LRRTM4: variants seen among roughly 807,000 people sequenced by gnomAD.
The protein encoded by LRRTM4 is leucine rich repeat transmembrane neuronal 4.
In LRRTM4, 25 loss-of-function variants were observed where a neutral mutation model predicts 47.6. The observed-to-expected ratio is 0.53, with a 90% CI of 0.38 to 0.73. LRRTM4 has a LOEUF of 0.73. Among genes scored for constraint, LRRTM4 ranks in the 30% least tolerant of loss-of-function variants. LRRTM4 has a pLI of 0.00. For missense variants in LRRTM4, 638 were observed against 713.4 expected (o/e 0.89, Z 1.20); for synonymous variants, 311 against 269.5 (o/e 1.15, Z -1.51).
chr2:77,063,060 T>A (rs375469528), intron 3 of LRRTM4, among the ~76,000 whole-genome samples: 2 of 151,428 alleles, frequency 1.3e-5, no homozygotes. Flanking sequence ...GTTCAAGCCA[T>A]GCTTCTGCCT....
rs577116123 is a variant in LRRTM4, at chr2:76,755,947, C to G, written c.1552-7031G>C. Among the ~76,000 whole-genome samples, 13 of 152,170 alleles carry G rather than the reference C, an allele frequency of 8.5e-5. No homozygotes were observed. In the East Asian group the frequency reaches 2.3e-3, roughly 27 times the overall value. On this transcript the variant is annotated intron_variant, in intron 3 of 3. Coordinates refer to ENST00000409884, the MANE Select transcript of LRRTM4 (RefSeq NM_001134745.3). The stretch of plus-strand genomic sequence containing the variant: ...CAGACATGCCTCATTATACCCACTC[C>G]CTGGGGAAGTTTAAACACAATTGAC...
At chr2:77,216,824 G>A (rs1441371329) in intron 3 of LRRTM4, among the ~76,000 whole-genome samples, 1 of 151,896 alleles carries the variant, frequency 6.6e-6, no homozygotes, top group Non-Finnish European at 1.5e-5. Flanking sequence ...TGTAATCCCA[G>A]CACTTTGGGA....
intron 3 of LRRTM4, among the ~76,000 whole-genome samples, chr2:77,388,442 A>G (rs906409396): frequency 1.3e-5 from 2 of 152,100 alleles, no homozygotes; most frequent in African/African-American, 4.8e-5. Flanking sequence ...AATCTGAGAG[A>G]GCTTCTCACT....
chr2:77,312,659 C>T (rs113049326), intron 3 of LRRTM4, among the ~76,000 whole-genome samples: 2 of 152,098 alleles, frequency 1.3e-5, no homozygotes, highest in Non-Finnish European at 2.9e-5. Context: ...CACACACACT[C>T]TTCCATTTTC....
chr2:77,053,389 T>C (rs1378997381), intron 3 of LRRTM4, among the ~76,000 whole-genome samples: 2 of 152,128 alleles, frequency 1.3e-5, no homozygotes, highest in Admixed American at 6.6e-5. Flanking sequence ...ATATGAAGCA[T>C]AGTAGAACAA....
At chr2:77,244,702 A>G (rs936422968) in intron 3 of LRRTM4, among the ~76,000 whole-genome samples, 2 of 152,176 alleles carry the variant, frequency 1.3e-5, no homozygotes, top group African/African-American at 4.8e-5. Flanking sequence ...CATTTTTAAG[A>G]TTAGGCTAAA....
At chr2:77,517,239 A>G in intron 3 of LRRTM4, 1 of 984,932 alleles carries the variant, frequency 1.0e-6, no homozygotes, top group Non-Finnish European at 1.2e-6. Context: ...AAATAATCAG[A>G]AACCGGGTCC....
intron 3 of LRRTM4, among the ~76,000 whole-genome samples, chr2:77,130,581 G>A (rs1029121752): frequency 1.3e-5 from 2 of 151,348 alleles, no homozygotes; most frequent in African/African-American, 2.4e-5. Context: ...GCAGAATCTC[G>A]GCTCACTGCA....
At chr2:76,903,605 C>G (rs1188474803) in intron 3 of LRRTM4, among the ~76,000 whole-genome samples, 1 of 152,124 alleles carries the variant, frequency 6.6e-6, no homozygotes, top group Non-Finnish European at 1.5e-5. Flanking sequence ...CTTATTTTAT[C>G]TAATCTTGAT....
intron 3 of LRRTM4, among the ~76,000 whole-genome samples, chr2:77,346,734 T>C (rs1000140699): frequency 3.3e-5 from 5 of 152,044 alleles, no homozygotes; most frequent in East Asian, 1.9e-4. Context: ...TAACTAAGAA[T>C]AGGGGTTTCA....
chr2:76,780,731 G>C (rs113627737), intron 3 of LRRTM4, among the ~76,000 whole-genome samples: 42,563 of 151,916 alleles, frequency 0.28, 6,406 homozygotes, highest in Middle Eastern at 0.34. Context: ...AGAGTAATTT[G>C]ATTGTCTGAA....
At chr2:77,040,527 A>C (rs988738833) in intron 3 of LRRTM4, among the ~76,000 whole-genome samples, 1 of 151,430 alleles carries the variant, frequency 6.6e-6, no homozygotes, top group Non-Finnish European at 1.5e-5. Context: ...AGCCCTACTC[A>C]TAAGTGCTAG....
chr2:76,981,928 T>C (rs1369995387), intron 3 of LRRTM4, among the ~76,000 whole-genome samples: 1 of 152,050 alleles, frequency 6.6e-6, no homozygotes, highest in African/African-American at 2.4e-5. Context: ...AGTCTCAGTT[T>C]CTGGAATTGA....
chr2:77,015,047 G>T (rs752699223), intron 3 of LRRTM4, among the ~76,000 whole-genome samples: 1 of 152,096 alleles, frequency 6.6e-6, no homozygotes, highest in Non-Finnish European at 1.5e-5. Context: ...GATGGGGAGA[G>T]TAGCCTGGAT....
intron 3 of LRRTM4, 174 bp downstream of exon 3, chr2:77,518,144 A>G (rs1679295730): frequency 2.4e-6 from 3 of 1,245,672 alleles, no homozygotes; most frequent in Non-Finnish European, 3.0e-6. Context: ...AAAAAAAAAA[A>G]GCAGTCAATT....
At chr2:76,907,762 C>T (rs905328212) in intron 3 of LRRTM4, among the ~76,000 whole-genome samples, 5 of 127,400 alleles carry the variant, frequency 3.9e-5, no homozygotes, top group African/African-American at 6.8e-5. Flanking sequence ...ATAAATTCCT[C>T]GACACATACA....
chr2:77,228,105 A>G (rs746459823), intron 3 of LRRTM4, among the ~76,000 whole-genome samples: 4 of 152,252 alleles, frequency 2.6e-5, no homozygotes, highest in African/African-American at 7.2e-5. Context: ...TTATAGCACA[A>G]TGCAAACCTG....
At chr2:77,114,811 A>G (rs761869588) in intron 3 of LRRTM4, among the ~76,000 whole-genome samples, 8 of 152,212 alleles carry the variant, frequency 5.3e-5, no homozygotes, top group Admixed American at 6.5e-5. Flanking sequence ...GTGTATGAAC[A>G]GCGAGTAAGT....
intron 3 of LRRTM4, among the ~76,000 whole-genome samples, chr2:77,176,751 C>T (rs746910754): frequency 1.7e-4 from 26 of 152,048 alleles, no homozygotes; most frequent in Non-Finnish European, 3.5e-4. Context: ...ATATTTTAGG[C>T]ATTCTGTTGC....
Sources: gnomAD v4.1 joint callset for allele counts (sites outside exome capture counted in the v4.1 genomes callset) on GRCh38, gnomAD v4.1.1 for gene constraint, MANE v1.5 for transcripts, NCBI Gene and HGNC (gene_info 2026-07-23, HGNC 2026-07-21) for gene names.